The following CDH2 variants were observed in gnomAD, a reference collection of about 807,000 sequenced individuals.
CDH2 encodes the protein cadherin 2, also known as cadherin-2.
Under a neutral mutation model 92.0 loss-of-function variants are expected in CDH2, and 17 were observed. The ratio of observed to expected loss-of-function variants is 0.18; its 90% CI spans 0.13 to 0.28. The LOEUF is 0.28. Among genes scored for constraint, CDH2 ranks in the 10% least tolerant of loss-of-function variants. The pLI is 1.00. For missense variants in CDH2, 862 were observed against 1,133.1 expected (o/e 0.76, Z 3.44); for synonymous variants, 419 against 415.9 (o/e 1.01, Z -0.09).
intron 2 of CDH2, among the ~76,000 whole-genome samples, chr18:28,061,730 T>G (rs139310953): frequency 3.5e-4 from 53 of 152,284 alleles, no homozygotes; most frequent in African/African-American, 1.3e-3. Flanking sequence ...GACTCACAGT[T>G]CAACATGGCT....
intron 2 of CDH2, among the ~76,000 whole-genome samples, chr18:28,140,799 G>A (rs768440996): frequency 2.7e-5 from 4 of 150,344 alleles, no homozygotes; most frequent in Non-Finnish European, 5.9e-5. Context: ...CTAGTATCCA[G>A]AATATACAAA....
At chr18:28,028,062 G>C (rs1443450) in intron 2 of CDH2, among the ~76,000 whole-genome samples, 24,890 of 151,510 alleles carry the variant, frequency 0.16, 2,352 homozygotes, top group South Asian at 0.3. Flanking sequence ...TTTTAAAACA[G>C]GTTTTTGTTA....
intron 2 of CDH2, among the ~76,000 whole-genome samples, chr18:28,064,637 A>G (rs1216270808): frequency 6.6e-6 from 1 of 152,048 alleles, no homozygotes; most frequent in Non-Finnish European, 1.5e-5. Context: ...GAGGTGGTTT[A>G]AAGAAATGCG....
chr18:28,038,695 G>T (rs2013888851), intron 2 of CDH2, among the ~76,000 whole-genome samples: 1 of 151,960 alleles, frequency 6.6e-6, no homozygotes, highest in Non-Finnish European at 1.5e-5. Flanking sequence ...CTTGTATGCA[G>T]ACATCTCTTC....
chr18:27,990,837 T>C (rs1291700148), intron 9 of CDH2, among the ~76,000 whole-genome samples: 1 of 152,190 alleles, frequency 6.6e-6, no homozygotes, highest in Non-Finnish European at 1.5e-5. Flanking sequence ...GCTAAACTTA[T>C]TTGATTTAAA....
chr18:28,080,743 T>C (rs2014813439), intron 2 of CDH2, among the ~76,000 whole-genome samples: 1 of 152,234 alleles, frequency 6.6e-6, no homozygotes, highest in Non-Finnish European at 1.5e-5. Flanking sequence ...TCAGCTAATA[T>C]TACTGAGCAC....
intron 2 of CDH2, among the ~76,000 whole-genome samples, chr18:28,102,453 C>A (rs372814967): frequency 6.6e-6 from 1 of 152,094 alleles, no homozygotes; most frequent in African/African-American, 2.4e-5. Flanking sequence ...TCCTTGCTTT[C>A]TGATTCTATA....
chr18:28,077,747 C>T (rs962894033), intron 2 of CDH2, among the ~76,000 whole-genome samples: 1 of 151,676 alleles, frequency 6.6e-6, no homozygotes, highest in Non-Finnish European at 1.5e-5. Context: ...AAAAATTAGG[C>T]GGGTGTGGCA....
intron 2 of CDH2, among the ~76,000 whole-genome samples, chr18:28,077,619 A>G (rs2014745523): frequency 6.6e-6 from 1 of 152,144 alleles, no homozygotes; most frequent in Non-Finnish European, 1.5e-5. Context: ...GGCCAGGCAC[A>G]GTGGCTCACG....
chr18:27,950,283 T>C (rs1351142541), downstream of CDH2, among the ~76,000 whole-genome samples: 4 of 152,140 alleles, frequency 2.6e-5, no homozygotes, highest in Non-Finnish European at 4.4e-5. Context: ...TATAAGACTA[T>C]ATGGTGTGAT....
chr18:28,131,234 T>C (rs1468095895), intron 2 of CDH2, among the ~76,000 whole-genome samples: 1 of 152,214 alleles, frequency 6.6e-6, no homozygotes, highest in Non-Finnish European at 1.5e-5. Flanking sequence ...ATCTTGATTT[T>C]TTTTCAAAAA....
intron 5 of CDH2, among the ~76,000 whole-genome samples, chr18:28,008,510 A>G (rs1315799183): frequency 6.6e-6 from 1 of 152,152 alleles, no homozygotes; most frequent in Non-Finnish European, 1.5e-5. Context: ...AAAAACTTCA[A>G]TAATTGTTCT....
intron 2 of CDH2, among the ~76,000 whole-genome samples, chr18:28,135,550 GTAGT>G (rs1048226076): frequency 6.6e-6 from 1 of 152,176 alleles, no homozygotes; most frequent in African/African-American, 2.4e-5. Flanking sequence ...ATCAGTTTGA[GTAGT>G]TAGTGTGAGA....
At chr18:28,070,998 T>C (rs529735217) in intron 2 of CDH2, among the ~76,000 whole-genome samples, 2 of 152,274 alleles carry the variant, frequency 1.3e-5, no homozygotes, top group Non-Finnish European at 2.9e-5. Flanking sequence ...AATTTGGAGA[T>C]AATGATTTGT....
intron 2 of CDH2, among the ~76,000 whole-genome samples, chr18:28,067,273 T>A (rs1291752446): frequency 6.6e-6 from 1 of 152,182 alleles, no homozygotes; most frequent in African/African-American, 2.4e-5. Context: ...GCTTTTAGTA[T>A]ATTCACAGCT....
At position 28,040,931 on chromosome 18, in the gene CDH2, T is replaced by C. The variant is rs571278935; in HGVS notation, c.173-27022A>G. 2.0e-4 allele frequency among the ~76,000 whole-genome samples: 31 copies of C among 152,320 alleles called. No homozygotes were observed. The South Asian group carries it at 6.0e-3, about 30-fold the overall frequency. On this transcript the variant is annotated intron_variant, in intron 2 of 15. Coordinates refer to ENST00000269141, the MANE Select transcript of CDH2 (RefSeq NM_001792.5). ...TCCTAAGAACTCTAAAAGGTAGATGTTACTTTAGAAATAAAAAAATTCCTG... is the reference window on the plus strand; with the variant it reads ...TCCTAAGAACTCTAAAAGGTAGATGCTACTTTAGAAATAAAAAAATTCCTG...
intron 1 of CDH2, among the ~76,000 whole-genome samples, chr18:28,158,687 CATA>C (rs1275905796): frequency 6.6e-6 from 1 of 152,190 alleles, no homozygotes; most frequent in East Asian, 1.9e-4. Flanking sequence ...AAGCCACTTC[CATA>C]ATATTACAAC....
intron 2 of CDH2, among the ~76,000 whole-genome samples, chr18:28,132,488 TGAGGA>T (rs1201134683): frequency 3.3e-5 from 5 of 151,302 alleles, no homozygotes; most frequent in Admixed American, 6.6e-5. Context: ...GGGAAGGAGG[TGAGGA>T]GAGAAGGACG....
intron 2 of CDH2, among the ~76,000 whole-genome samples, chr18:28,034,813 G>A (rs2013785776): frequency 6.6e-6 from 1 of 152,020 alleles, no homozygotes; most frequent in Non-Finnish European, 1.5e-5. Context: ...GTTACAATGA[G>A]TATAAATCCT....
Sources: gnomAD v4.1 joint callset for allele counts (sites outside exome capture counted in the v4.1 genomes callset) on GRCh38, gnomAD v4.1.1 for gene constraint, MANE v1.5 for transcripts, NCBI Gene and HGNC (gene_info 2026-07-23, HGNC 2026-07-21) for gene names.